Variants in DLG2 observed in about 807,000 individuals in gnomAD.
The protein encoded by DLG2 is disks large homolog 2.
A neutral mutation model predicts 132.5 loss-of-function variants in DLG2; 45 were observed. The ratio of observed to expected loss-of-function variants is 0.34; its 90% CI spans 0.27 to 0.44. DLG2 has a LOEUF of 0.44. Among genes scored for constraint, DLG2 ranks in the 20% least tolerant of loss-of-function variants. DLG2 has a pLI of 1.00. For synonymous variants in DLG2, 424 were observed against 419.6 expected (o/e 1.01, Z -0.13); for missense variants, 1,045 against 1,196.9 (o/e 0.87, Z 1.87).
chr11:83,940,072 T>C (rs972384049), intron 14 of DLG2, among the ~76,000 whole-genome samples: 1 of 152,244 alleles, frequency 6.6e-6, no homozygotes, highest in Non-Finnish European at 1.5e-5. Context: ...TTATGAAGAT[T>C]GTTTGGTGGC....
chr11:83,867,976 T>C (rs925460775), intron 16 of DLG2, among the ~76,000 whole-genome samples: 1 of 152,140 alleles, frequency 6.6e-6, no homozygotes, highest in Non-Finnish European at 1.5e-5. Flanking sequence ...AAAAAATCTG[T>C]TCACCCTTTG....
At chr11:84,057,909 G>A (rs2096530113) in intron 11 of DLG2, among the ~76,000 whole-genome samples, 1 of 152,162 alleles carries the variant, frequency 6.6e-6, no homozygotes, top group Admixed American at 6.6e-5. Flanking sequence ...ACTCTGGGCT[G>A]TAGAGTCTGC....
intron 4 of DLG2, among the ~76,000 whole-genome samples, chr11:85,181,394 T>C (rs572196915): frequency 6.6e-6 from 1 of 151,934 alleles, no homozygotes; most frequent in East Asian, 1.9e-4. Context: ...ATAGATATTT[T>C]TAAGTTACTA....
chr11:84,951,345 T>G (rs1490335340), intron 6 of DLG2, among the ~76,000 whole-genome samples: 1 of 152,112 alleles, frequency 6.6e-6, no homozygotes, highest in Non-Finnish European at 1.5e-5. Context: ...AATATGAACT[T>G]CACAATTGAG....
intron 3 of DLG2, among the ~76,000 whole-genome samples, chr11:85,352,278 C>T (rs987723689): frequency 9.2e-5 from 14 of 151,804 alleles, no homozygotes; most frequent in South Asian, 2.1e-4. Context: ...TTTTTTATTG[C>T]GTCTATTTGA....
At chr11:85,625,641 C>G (rs1441492589) in intron 2 of DLG2, among the ~76,000 whole-genome samples, 1 of 152,168 alleles carries the variant, frequency 6.6e-6, no homozygotes, top group Non-Finnish European at 1.5e-5. Flanking sequence ...CCACTTTAAC[C>G]TGCAATTCAC....
chr11:85,010,398 A>G (rs1224833878), intron 6 of DLG2, among the ~76,000 whole-genome samples: 1 of 152,044 alleles, frequency 6.6e-6, no homozygotes, highest in African/African-American at 2.4e-5. Context: ...CATAAATAGC[A>G]CAGTTTGTTC....
At chr11:84,472,064 A>G (rs923176304) in intron 7 of DLG2, among the ~76,000 whole-genome samples, 1 of 151,874 alleles carries the variant, frequency 6.6e-6, no homozygotes. Context: ...TACCTATTGG[A>G]GCAAATCAAG....
intron 4 of DLG2, among the ~76,000 whole-genome samples, chr11:85,272,786 G>A (rs1006225077): frequency 4.6e-5 from 7 of 152,036 alleles, no homozygotes; most frequent in East Asian, 1.9e-4. Flanking sequence ...AAAAGAGCCC[G>A]CATCACCAAG....
chr11:84,091,239 T>C (rs2097088529), intron 10 of DLG2, among the ~76,000 whole-genome samples: 1 of 152,240 alleles, frequency 6.6e-6, no homozygotes, highest in African/African-American at 2.4e-5. Flanking sequence ...GAGAAATTCA[T>C]CTAAACCGCC....
intron 4 of DLG2, among the ~76,000 whole-genome samples, chr11:85,283,643 A>G (rs958785592): frequency 2.0e-5 from 3 of 151,888 alleles, no homozygotes; most frequent in African/African-American, 7.2e-5. Context: ...AAGTTGAATC[A>G]TGATAGTGAA....
chr11:85,001,840 T>A (rs1039931619), intron 6 of DLG2, among the ~76,000 whole-genome samples: 2 of 152,194 alleles, frequency 1.3e-5, no homozygotes, highest in Non-Finnish European at 2.9e-5. Flanking sequence ...TAATCATGCA[T>A]GTGTGGGGAC....
At chr11:84,532,551 A>C (rs1037213212) in intron 7 of DLG2, among the ~76,000 whole-genome samples, 4 of 152,114 alleles carry the variant, frequency 2.6e-5, no homozygotes, top group Non-Finnish European at 4.4e-5. Flanking sequence ...GCTGTAGTGC[A>C]GTGGCGTGAT....
At chr11:83,668,086 A>AAAAAAAAAG (rs2076041282) in intron 18 of DLG2, among the ~76,000 whole-genome samples, 10 of 150,608 alleles carry the variant, frequency 6.6e-5, no homozygotes, top group Admixed American at 2.6e-4. Flanking sequence ...AAAAAAAAAA[A>AAAAAAAAAG]AAAGCAGAAA....
At chr11:83,510,508 C>G (rs1446402584) in intron 21 of DLG2, among the ~76,000 whole-genome samples, 7 of 152,154 alleles carry the variant, frequency 4.6e-5, no homozygotes, top group Non-Finnish European at 1.0e-4. Flanking sequence ...CAAATAGAGG[C>G]AAATCCATTA....
At position 84,433,751 on chromosome 11, in the gene DLG2, A is replaced by G. The variant is rs184590168; in HGVS notation, c.519+100819T>C. ...TTGATTAAAGACATTTTTGGATTCT[A>G]TAGGAATAAGCAATGAGTACAAATG... On this transcript the variant is annotated intron_variant, in intron 7 of 27. Coordinates refer to ENST00000376104, the MANE Select transcript of DLG2 (RefSeq NM_001142699.3). Among the ~76,000 whole-genome samples the G allele has an allele frequency of 2.1e-3, 326 of 152,310 alleles. 2 individuals carry two copies. Among genetic ancestry groups the G allele is most frequent in the African/African-American group, 7.5e-3 (311 of 41,568 alleles).
At chr11:84,140,143 G>A (rs2094779685) in intron 9 of DLG2, among the ~76,000 whole-genome samples, 2 of 152,038 alleles carry the variant, frequency 1.3e-5, no homozygotes, top group South Asian at 4.1e-4. Flanking sequence ...GAGATAATGG[G>A]AAAGGAATCA....
intron 18 of DLG2, among the ~76,000 whole-genome samples, chr11:83,646,375 G>GAGGA (rs1336459644): frequency 6.6e-6 from 1 of 151,956 alleles, no homozygotes. Flanking sequence ...GAGAGAGAGA[G>GAGGA]AGGAAGGAAG....
chr11:83,780,425 A>G (rs911303640), intron 18 of DLG2, among the ~76,000 whole-genome samples: 5 of 152,322 alleles, frequency 3.3e-5, no homozygotes, highest in African/African-American at 9.6e-5. Context: ...TTAGCCTCAC[A>G]ATTTAAAAGG....
Sources: allele counts gnomAD v4.1 joint callset (sites outside exome capture counted in the v4.1 genomes callset), GRCh38; gene constraint gnomAD v4.1.1; transcripts MANE v1.5; gene names NCBI Gene and HGNC (gene_info 2026-07-23, HGNC 2026-07-21).